The following CTNNA2 variants were observed in gnomAD, a reference collection of about 807,000 sequenced individuals.
CTNNA2 encodes the protein catenin alpha-2.
In CTNNA2, 42 loss-of-function variants were observed where a neutral mutation model predicts 101.0. The observed-to-expected ratio is 0.42, with a 90% CI of 0.32 to 0.54. The LOEUF (loss-of-function observed/expected upper bound fraction) is 0.54, where lower values mean the gene tolerates loss of function less well. CTNNA2 is among the 20% of genes least tolerant of loss of function. The pLI is 0.14. For synonymous variants in CTNNA2, 450 were observed against 456.4 expected (o/e 0.99, Z 0.18); for missense variants, 871 against 1,223.1 (o/e 0.71, Z 4.29).
chr2:79,223,385 G>A (rs913790704), intron 2 of CTNNA2, among the ~76,000 whole-genome samples: 24 of 152,152 alleles, frequency 1.6e-4, no homozygotes, highest in Middle Eastern at 3.4e-3. Flanking sequence ...ATGACATCCT[G>A]GGGGGACTCA....
At chr2:79,338,815 A>G (rs1431288829) in intron 3 of CTNNA2, among the ~76,000 whole-genome samples, 1 of 151,992 alleles carries the variant, frequency 6.6e-6, no homozygotes, top group Non-Finnish European at 1.5e-5. Context: ...AATCAACAGG[A>G]TTTGGTGATG....
chr2:79,535,652 C>T (rs1247329394), intron 1 of CTNNA2, among the ~76,000 whole-genome samples: 1 of 151,892 alleles, frequency 6.6e-6, no homozygotes, highest in Non-Finnish European at 1.5e-5. Context: ...ATTACATAAT[C>T]ATATATATAA....
At chr2:80,200,738 G>A (rs1212253774) in intron 7 of CTNNA2, among the ~76,000 whole-genome samples, 3 of 152,066 alleles carry the variant, frequency 2.0e-5, no homozygotes, top group Non-Finnish European at 2.9e-5. Flanking sequence ...GTTTCACCAT[G>A]TTGGCCAGGA....
At chr2:79,927,083 G>T (rs1018609575) in intron 7 of CTNNA2, among the ~76,000 whole-genome samples, 1 of 152,066 alleles carries the variant, frequency 6.6e-6, no homozygotes, top group Non-Finnish European at 1.5e-5. Flanking sequence ...GAATGTGTAT[G>T]GTACATTCTG....
chr2:80,199,024 T>C (rs542596924), intron 7 of CTNNA2, among the ~76,000 whole-genome samples: 2 of 150,964 alleles, frequency 1.3e-5, no homozygotes, highest in East Asian at 3.9e-4. Flanking sequence ...CTACTAAAAA[T>C]AAAAAAATTA....
chr2:79,264,561 A>C lies in CTNNA2; in HGVS notation c.-405-48148A>C, dbSNP rs1281588421. ...TAAGCAATGCTGTGATAATTAAGGC[A>C]GTTGAAATGACCAGACTGAGTGAAA... On this transcript the variant is annotated intron_variant, in intron 2 of 21. Coordinates refer to the CTNNA2 transcript ENST00000466387. Among the ~76,000 whole-genome samples, 3 of 152,156 alleles carry C rather than the reference A, an allele frequency of 2.0e-5. No homozygotes were observed. In the South Asian group the frequency reaches 6.2e-4, roughly 32 times the overall value.
upstream of CTNNA2, among the ~76,000 whole-genome samples, chr2:79,511,548 G>A (rs1365657859): frequency 6.6e-6 from 1 of 152,098 alleles, no homozygotes; most frequent in Non-Finnish European, 1.5e-5. Context: ...ACATGGTTGC[G>A]TGCTAAGATT....
At chr2:79,633,157 A>G (rs2104370819) in intron 1 of CTNNA2, among the ~76,000 whole-genome samples, 1 of 152,312 alleles carries the variant, frequency 6.6e-6, no homozygotes, top group Non-Finnish European at 1.5e-5. Flanking sequence ...TCCTGTTTCT[A>G]AAGATAGGGT....
At chr2:79,241,201 A>C (rs533002115) in intron 2 of CTNNA2, among the ~76,000 whole-genome samples, 1 of 152,322 alleles carries the variant, frequency 6.6e-6, no homozygotes, top group South Asian at 2.1e-4. Flanking sequence ...AGCAGGATTT[A>C]TGTTCAGCTT....
At chr2:79,324,262 G>C (rs1443396516) in intron 3 of CTNNA2, among the ~76,000 whole-genome samples, 1 of 152,204 alleles carries the variant, frequency 6.6e-6, no homozygotes, top group Non-Finnish European at 1.5e-5. Context: ...CAGGGTAGCA[G>C]CTTGTTGGAG....
intron 7 of CTNNA2, among the ~76,000 whole-genome samples, chr2:80,329,794 C>T (rs1370678857): frequency 1.3e-5 from 2 of 152,168 alleles, no homozygotes; most frequent in East Asian, 3.9e-4. Context: ...AGGGGAATGG[C>T]TCAGTATGTA....
At chr2:80,257,988 T>C (rs1457065140) in intron 7 of CTNNA2, among the ~76,000 whole-genome samples, 1 of 152,250 alleles carries the variant, frequency 6.6e-6, no homozygotes, top group Non-Finnish European at 1.5e-5. Context: ...GGTTGCACAC[T>C]GCGCAAAGTA....
intron 4 of CTNNA2, among the ~76,000 whole-genome samples, chr2:79,860,399 G>T (rs1167728472): frequency 3.9e-5 from 6 of 152,098 alleles, no homozygotes; most frequent in African/African-American, 1.4e-4. Flanking sequence ...CCAGGGCGAT[G>T]ACGCCATGTG....
At chr2:79,369,958 T>C (rs927327669) in intron 3 of CTNNA2, among the ~76,000 whole-genome samples, 5 of 152,214 alleles carry the variant, frequency 3.3e-5, no homozygotes, top group Non-Finnish European at 5.9e-5. Flanking sequence ...GGTTGTAAGA[T>C]ACTTGAGAAA....
At chr2:80,217,950 A>G (rs1327377663) in intron 7 of CTNNA2, among the ~76,000 whole-genome samples, 1 of 152,236 alleles carries the variant, frequency 6.6e-6, no homozygotes, top group Non-Finnish European at 1.5e-5. Context: ...TAATGAGGCC[A>G]TATCACAGGT....
chr2:79,361,782 T>C (rs1234835235), intron 3 of CTNNA2, among the ~76,000 whole-genome samples: 2 of 152,130 alleles, frequency 1.3e-5, no homozygotes, highest in African/African-American at 4.8e-5. Flanking sequence ...GCAGGAAGCA[T>C]CCAGCATGGG....
At chr2:80,608,107 C>A in intron 16 of CTNNA2, 77 bp from the exon 17 acceptor site, 1 of 1,442,608 alleles carries the variant, frequency 6.9e-7, no homozygotes, top group Non-Finnish European at 9.4e-7. Flanking sequence ...AACTTTTCTT[C>A]CTGCAGCTTT....
At chr2:79,708,310 T>G (rs1213072843) in intron 2 of CTNNA2, among the ~76,000 whole-genome samples, 1 of 152,212 alleles carries the variant, frequency 6.6e-6, no homozygotes, top group East Asian at 1.9e-4. Flanking sequence ...ACACCCCCAG[T>G]AAGTAGGCGG....
At chr2:80,392,056 C>T (rs1677563790) in intron 7 of CTNNA2, among the ~76,000 whole-genome samples, 1 of 152,192 alleles carries the variant, frequency 6.6e-6, no homozygotes, top group African/African-American at 2.4e-5. Flanking sequence ...CTACTTTAAA[C>T]CCAGCTATGG....
Sources: gnomAD v4.1 joint callset for allele counts (sites outside exome capture counted in the v4.1 genomes callset) on GRCh38, gnomAD v4.1.1 for gene constraint, MANE v1.5 for transcripts, NCBI Gene and HGNC (gene_info 2026-07-23, HGNC 2026-07-21) for gene names.